LPIN1: variants seen among roughly 807,000 people sequenced by gnomAD.
The protein encoded by LPIN1 is phosphatidate phosphatase LPIN1.
Under a neutral mutation model 107.5 loss-of-function variants are expected in LPIN1, and 71 were observed. That is an observed-to-expected ratio of 0.66 (90% confidence interval 0.55 to 0.80). The LOEUF is 0.80. Ranked by LOEUF, LPIN1 falls within the 30% of genes least tolerant of loss-of-function variation. LPIN1 has a pLI of 0.00. For synonymous variants in LPIN1, 445 were observed against 452.6 expected (o/e 0.98, Z 0.21); for missense variants, 1,043 against 1,160.6 (o/e 0.90, Z 1.47).
upstream of LPIN1, chr2:11,722,143 C>T (rs1435432213): frequency 2.0e-5 from 3 of 152,216 alleles, no homozygotes; most frequent in Non-Finnish European, 4.4e-5. Context: ...CTCCACAGCC[C>T]CTTTCCAATT....
At chr2:11,684,212 C>T (rs1661879334) in intron 1 of LPIN1, among the ~76,000 whole-genome samples, 1 of 152,204 alleles carries the variant, frequency 6.6e-6, no homozygotes, top group Admixed American at 6.5e-5. Context: ...ACGTAGTAAG[C>T]AGGTGTGTCT....
chr2:11,791,331 T>C (rs1191955024), intron 12 of LPIN1, among the ~76,000 whole-genome samples: 1 of 152,210 alleles, frequency 6.6e-6, no homozygotes, highest in Non-Finnish European at 1.5e-5. Flanking sequence ...TGGAAAAACG[T>C]AGAAAATTAT....
intron 14 of LPIN1, among the ~76,000 whole-genome samples, chr2:11,799,574 A>G (rs972971749): frequency 6.6e-6 from 1 of 151,950 alleles, no homozygotes; most frequent in Non-Finnish European, 1.5e-5. Context: ...AGGAACCAGC[A>G]TGGTTCATAG....
At chr2:11,748,073 G>A (rs1295158390) in intron 1 of LPIN1, among the ~76,000 whole-genome samples, 1 of 152,206 alleles carries the variant, frequency 6.6e-6, no homozygotes, top group Non-Finnish European at 1.5e-5. Context: ...TGAGTCTTGT[G>A]GTGTGGGAGA....
At chr2:11,752,677 C>T (rs898932055) in intron 1 of LPIN1, among the ~76,000 whole-genome samples, 3 of 151,718 alleles carry the variant, frequency 2.0e-5, no homozygotes, top group Admixed American at 6.6e-5. Context: ...GTGATCCGCC[C>T]GCCTCGGCCT....
chr2:11,785,099 G>C, intron 10 of LPIN1, 23 bp downstream of exon 10: 4 of 1,519,112 alleles, frequency 2.6e-6, no homozygotes, highest in Non-Finnish European at 3.5e-6. Flanking sequence ...TCGCGCGGGC[G>C]CCCTCTGGTG....
chr2:11,739,261 G>T (rs1156995140), intron 1 of LPIN1, among the ~76,000 whole-genome samples: 3 of 152,200 alleles, frequency 2.0e-5, no homozygotes, highest in Non-Finnish European at 4.4e-5. Flanking sequence ...CGTCCTGGAG[G>T]CAGATCCTTT....
chr2:11,685,821 C>T (rs1041361699), intron 1 of LPIN1, among the ~76,000 whole-genome samples: 2 of 152,196 alleles, frequency 1.3e-5, no homozygotes, highest in African/African-American at 2.4e-5. Flanking sequence ...TCTTGTTTCT[C>T]GTTCCAGAGA....
chr2:11,816,711 G>T (rs1680635378), intron 18 of LPIN1: 2 of 151,402 alleles, frequency 1.3e-5, no homozygotes, highest in Admixed American at 1.3e-4. Flanking sequence ...AGAATTGCTA[G>T]CGAAGGCTGC....
chr2:11,784,726 G>A, intron 9 of LPIN1, 160 bp from the exon 10 acceptor site: 2 of 747,396 alleles, frequency 2.7e-6, no homozygotes, highest in Non-Finnish European at 4.9e-6. Context: ...GGCGTTTAAT[G>A]TCTCTTTCCT....
chr2:11,747,201 G>A (rs763509378), intron 1 of LPIN1, among the ~76,000 whole-genome samples: 5 of 152,238 alleles, frequency 3.3e-5, no homozygotes, highest in Non-Finnish European at 5.9e-5. Flanking sequence ...CCGGGCGGCA[G>A]GGCAGGCTGA....
chr2:11,691,854 A>C (rs567971642), intron 1 of LPIN1, among the ~76,000 whole-genome samples: 1 of 152,374 alleles, frequency 6.6e-6, no homozygotes, highest in East Asian at 1.9e-4. Context: ...GCTGTGCTTG[A>C]TACACTATTA....
intron 1 of LPIN1, among the ~76,000 whole-genome samples, chr2:11,700,165 T>C (rs1662797285): frequency 6.6e-6 from 1 of 152,166 alleles, no homozygotes; most frequent in Non-Finnish European, 1.5e-5. Flanking sequence ...CAGGTGTGAC[T>C]CAGGTTCTGG....
chr2:11,703,891 G>C (rs1663004609), intron 1 of LPIN1, among the ~76,000 whole-genome samples: 2 of 152,198 alleles, frequency 1.3e-5, no homozygotes, highest in Admixed American at 1.3e-4. Context: ...TGATTTTTCT[G>C]TTCCTCATGG....
intron 7 of LPIN1, among the ~76,000 whole-genome samples, chr2:11,779,904 A>G (rs1572772362): frequency 6.6e-6 from 1 of 150,936 alleles, no homozygotes; most frequent in Admixed American, 6.6e-5. Context: ...TTCTTGAGAC[A>G]GAGTCTCACT....
upstream of LPIN1, among the ~76,000 whole-genome samples, chr2:11,721,263 C>CGTGTGTGTGTGTGT (rs5829326): frequency 8.5e-4 from 110 of 129,880 alleles, no homozygotes; most frequent in Middle Eastern, 4.0e-3. Context: ...GTACTGCATG[C>CGTGTGTGTGTGTGT]GTGTGTGTGT....
In LPIN1 at chr2:11,782,416, G is replaced by A. The variant is rs969954737; in HGVS notation, c.1173G>A (p.Ala391=). ...EEDLETLGAA[A]PLLPMIEELK... ...ACCTGGAGACCTTAGGAGCAGCAGC[G>A]CCACTCTTGCCCATGATCGAGGAGC... Residue 391 remains alanine (A), a synonymous_variant, in exon 8 of 21, where the codon GCG becomes GCA. Transcript: ENST00000674199. 10 of 1,613,998 alleles carry A rather than the reference G, an allele frequency of 6.2e-6. No individual in the cohort carries two copies. The highest frequency in any genetic ancestry group is 1.3e-5 in the African/African-American group (1 of 74,892).
intron 1 of LPIN1, among the ~76,000 whole-genome samples, chr2:11,705,657 G>C (rs1391525731): frequency 6.6e-6 from 1 of 152,200 alleles, no homozygotes; most frequent in East Asian, 1.9e-4. Flanking sequence ...AAGCTGAATA[G>C]GAGGGGTTGA....
rs77956802 is a variant in LPIN1, at chr2:11,765,685, C to G, written c.144C>G (p.Phe48Leu). Reference protein sequence around the residue: ...QPNGNLQCSPFHVRFGKMGVL... With the variant: ...QPNGNLQCSPLHVRFGKMGVL... ...ATGGAAACCTCCAATGCTCCCCTTT[C>G]CACGTCCGCTTTGGGAAGATGGGGG... Residue 48 changes from phenylalanine (F) to leucine (L), a missense_variant, in exon 2 of 21, where the codon TTC (phenylalanine) becomes TTG (leucine). Transcript: ENST00000674199. This position sits in a 1 kb window ranked among gnomAD's most constrained non-coding sequence, Gnocchi z 4.4. The G allele has an allele frequency of 6.2e-7, 1 of 1,613,734 alleles. No individual in the cohort carries two copies. Among genetic ancestry groups the G allele is most frequent in the African/African-American group, 1.3e-5 (1 of 75,036 alleles).
Sources: allele counts gnomAD v4.1 joint callset (sites outside exome capture counted in the v4.1 genomes callset), GRCh38; gene constraint gnomAD v4.1.1; non-coding constraint Gnocchi (gnomAD v3.1); transcripts MANE v1.5; gene names NCBI Gene and HGNC (gene_info 2026-07-23, HGNC 2026-07-21).